MGAT5: variants seen among roughly 807,000 people sequenced by gnomAD.
MGAT5 encodes the protein alpha-1,6-mannosylglycoprotein 6-beta-N-acetylglucosaminyltransferase, also known as alpha-1,6-mannosylglycoprotein 6-beta-N-acetylglucosaminyltransferase A.
In MGAT5, 30 loss-of-function variants were observed where a neutral mutation model predicts 94.3. The observed-to-expected ratio is 0.32, with a 90% CI of 0.24 to 0.43. MGAT5 has a LOEUF of 0.43. MGAT5 is among the 20% of genes least tolerant of loss of function. MGAT5 has a pLI of 1.00. For synonymous variants in MGAT5, 310 were observed against 322.9 expected (o/e 0.96, Z 0.43); for missense variants, 691 against 905.5 (o/e 0.76, Z 3.04).
chr2:134,436,470 T>C (rs958612132), intron 14 of MGAT5, among the ~76,000 whole-genome samples: 4 of 152,158 alleles, frequency 2.6e-5, no homozygotes, highest in African/African-American at 9.7e-5. Context: ...AGCTGCAGGA[T>C]TGAACTAAGC....
intron 9 of MGAT5, among the ~76,000 whole-genome samples, chr2:134,355,856 G>C (rs148798563): frequency 6.6e-6 from 1 of 152,198 alleles, no homozygotes; most frequent in East Asian, 1.9e-4. Context: ...GTTGATGGCT[G>C]AAAGTAGCAA....
At chr2:134,264,693 T>C (rs1683580221) in intron 1 of MGAT5, among the ~76,000 whole-genome samples, 2 of 152,192 alleles carry the variant, frequency 1.3e-5, no homozygotes, top group African/African-American at 4.8e-5. Flanking sequence ...AAATATATAA[T>C]TGATGAAACT....
intron 4 of MGAT5, among the ~76,000 whole-genome samples, chr2:134,333,319 T>C (rs1688102907): frequency 1.3e-5 from 2 of 150,526 alleles, no homozygotes; most frequent in South Asian, 2.1e-4. Context: ...TCATTCTCAG[T>C]AAACTATTGC....
At chr2:134,238,027 G>A (rs574854454) in intron 1 of MGAT5, among the ~76,000 whole-genome samples, 47 of 152,220 alleles carry the variant, frequency 3.1e-4, no homozygotes, top group African/African-American at 9.9e-4. Flanking sequence ...GGGATTACAG[G>A]CGTGAGCCAC....
rs978843660 is a variant in MGAT5 at position 134,311,868 on chromosome 2, T to C, written c.407-5661T>C. Among the ~76,000 whole-genome samples the C allele has an allele frequency of 4.6e-5, 7 of 152,162 alleles. No individual in the cohort carries two copies. The East Asian group carries it at 5.8e-4, about 13-fold the overall frequency. ...CGTATAAATATTGATCCTAGGCAAT[T>C]AGAAGATGCAAGTAGCCTTGTGTGA... On this transcript the variant is annotated intron_variant, in intron 2 of 15. Coordinates refer to ENST00000281923, the MANE Select transcript of MGAT5 (RefSeq NM_002410.5).
rs35936767 is a variant in MGAT5 at position 134,387,332 on chromosome 2, A to ATTTTTTTTTTT, written c.1381-15645_1381-15635dup. Among the ~76,000 whole-genome samples, 43 of 24,260 alleles carry ATTTTTTTTTTT rather than the reference A, an allele frequency of 1.8e-3. 4 individuals are homozygous for ATTTTTTTTTTT. Among genetic ancestry groups the ATTTTTTTTTTT allele is most frequent in the African/African-American group, 8.5e-3 (42 of 4,970 alleles). 15.9% of individuals were successfully genotyped at this position (24,260 alleles called of 152,430 possible). A position where few individuals can be genotyped will look rare whatever the true frequency, so the allele number is the denominator to read the frequency against. ...TATATATATATATATATATATATAT[A>ATTTTTTTTTTT]TTTTTTTTTTTTTTTTTTTTTACCA... is the stretch of plus-strand genomic sequence containing the variant. On this transcript the variant is annotated intron_variant, in intron 10 of 15. Coordinates refer to ENST00000281923, the MANE Select transcript of MGAT5 (RefSeq NM_002410.5).
intron 1 of MGAT5, among the ~76,000 whole-genome samples, chr2:134,164,068 A>G (rs1159927653): frequency 1.3e-5 from 2 of 152,138 alleles, no homozygotes; most frequent in Non-Finnish European, 2.9e-5. Flanking sequence ...GATCTTGCCT[A>G]TTTACCACTC....
chr2:134,392,569 A>AAG (rs1448097312), intron 10 of MGAT5, among the ~76,000 whole-genome samples: 1 of 152,208 alleles, frequency 6.6e-6, no homozygotes, highest in Non-Finnish European at 1.5e-5. Flanking sequence ...GAAGGAGCCC[A>AAG]AGAGAGTCTT....
At chr2:134,370,482 C>T (rs897277804) in intron 10 of MGAT5, among the ~76,000 whole-genome samples, 4 of 152,226 alleles carry the variant, frequency 2.6e-5, no homozygotes, top group Admixed American at 2.0e-4. Flanking sequence ...TGGTTCCAAC[C>T]AGAAGAACAT....
chr2:134,213,619 G>C (rs930532411), intron 1 of MGAT5, among the ~76,000 whole-genome samples: 2 of 152,198 alleles, frequency 1.3e-5, no homozygotes, highest in East Asian at 3.8e-4. Context: ...CCAATTGGCT[G>C]TATATTGAGG....
chr2:134,356,536 TC>T (rs1227866527), intron 9 of MGAT5, among the ~76,000 whole-genome samples: 1 of 152,178 alleles, frequency 6.6e-6, no homozygotes, highest in Non-Finnish European at 1.5e-5. Flanking sequence ...AAGCTTACTT[TC>T]GGTGGAGTCA....
intron 1 of MGAT5, among the ~76,000 whole-genome samples, chr2:134,184,076 G>T (rs1688880173): frequency 6.6e-6 from 1 of 152,138 alleles, no homozygotes; most frequent in Admixed American, 6.5e-5. Flanking sequence ...TTAAAATAAA[G>T]AATCTTAGCT....
At chr2:134,376,840 C>T (rs1265371360) in intron 10 of MGAT5, among the ~76,000 whole-genome samples, 1 of 152,148 alleles carries the variant, frequency 6.6e-6, no homozygotes, top group African/African-American at 2.4e-5. Flanking sequence ...GAAAACGGTA[C>T]TCATTTAGCA....
At chr2:134,271,505 C>G (rs757796318) in intron 2 of MGAT5, among the ~76,000 whole-genome samples, 1 of 152,172 alleles carries the variant, frequency 6.6e-6, no homozygotes, top group East Asian at 1.9e-4. Context: ...GTTTCATATA[C>G]TTTTAAGCTT....
chr2:134,166,769 G>A (rs1687980877), intron 1 of MGAT5, among the ~76,000 whole-genome samples: 1 of 152,202 alleles, frequency 6.6e-6, no homozygotes, highest in East Asian at 1.9e-4. Context: ...TTGGTAATTA[G>A]TTAAGTTAGA....
intron 9 of MGAT5, among the ~76,000 whole-genome samples, chr2:134,353,769 T>C (rs891925405): frequency 1.3e-5 from 2 of 152,162 alleles, no homozygotes; most frequent in African/African-American, 4.8e-5. Context: ...AACAGGTTGA[T>C]GGAAAACTTT....
At chr2:134,196,052 A>G (rs1679481964) in intron 1 of MGAT5, among the ~76,000 whole-genome samples, 1 of 152,202 alleles carries the variant, frequency 6.6e-6, no homozygotes, top group African/African-American at 2.4e-5. Flanking sequence ...TTTTTCCCCA[A>G]CATATTATTC....
intron 9 of MGAT5, among the ~76,000 whole-genome samples, chr2:134,350,167 G>GA (rs1426231374): frequency 6.6e-6 from 1 of 151,934 alleles, no homozygotes; most frequent in Non-Finnish European, 1.5e-5. Flanking sequence ...ATGTTCTGGA[G>GA]AAAAAATGTT....
intron 1 of MGAT5, among the ~76,000 whole-genome samples, chr2:134,190,771 G>A (rs1194726735): frequency 1.3e-5 from 2 of 151,948 alleles, no homozygotes; most frequent in Admixed American, 6.5e-5. Context: ...TCAGCCTCCC[G>A]AGTAGCTAGG....
Sources: allele counts gnomAD v4.1 joint callset (sites outside exome capture counted in the v4.1 genomes callset), GRCh38; gene constraint gnomAD v4.1.1; transcripts MANE v1.5; gene names NCBI Gene and HGNC (gene_info 2026-07-23, HGNC 2026-07-21).